Variants in DOCK7 observed in about 807,000 individuals in gnomAD.
DOCK7 encodes dedicator of cytokinesis 7.
A neutral mutation model predicts 271.0 loss-of-function variants in DOCK7; 138 were observed. The ratio of observed to expected loss-of-function variants is 0.51; its 90% CI spans 0.44 to 0.59. DOCK7 has a LOEUF of 0.59. Ranked by LOEUF, DOCK7 falls within the 20% of genes least tolerant of loss-of-function variation. DOCK7 has a pLI of 0.00. For missense variants in DOCK7, 2,066 were observed against 2,592.4 expected (o/e 0.80, Z 4.41); for synonymous variants, 823 against 876.1 (o/e 0.94, Z 1.07).
Position 62,601,204 on chromosome 1 carries a change from A to G in DOCK7, c.1683-14580T>C, listed in dbSNP as rs1235634545. Reference sequence around the variant, plus strand: ...GAAATGTAAAACATGATGGTAAGACACTTTGGTGGGTTTCCTTCTTGAAGC... The same window carrying G: ...GAAATGTAAAACATGATGGTAAGACGCTTTGGTGGGTTTCCTTCTTGAAGC... On this transcript the variant is annotated intron_variant, in intron 14 of 49. Coordinates refer to ENST00000635253, the MANE Select transcript of DOCK7 (RefSeq NM_001367561.1). 12 of 1,549,990 alleles carry G rather than the reference A, an allele frequency of 7.7e-6. 1 individual carries two copies. The Admixed American group carries it at 2.0e-4, about 26-fold the overall frequency.
chr1:62,487,337 G>T, intron 43 of DOCK7, 61 bp downstream of exon 43: 1 of 1,536,440 alleles, frequency 6.5e-7, no homozygotes, highest in Non-Finnish European at 9.0e-7. Context: ...CAAAGCATTG[G>T]CATAAGAAAT....
At chr1:62,586,915 A>G (rs1262061007) in intron 14 of DOCK7, among the ~76,000 whole-genome samples, 1 of 152,156 alleles carries the variant, frequency 6.6e-6, no homozygotes, top group Non-Finnish European at 1.5e-5. Context: ...AAGGTCAGTC[A>G]GACTTCAAAA....
chr1:62,641,564 T>C, intron 7 of DOCK7: 1 of 471,012 alleles, frequency 2.1e-6, no homozygotes, highest in Non-Finnish European at 4.3e-6. Context: ...GAAGGCCAGG[T>C]ACTTTAACTT....
chr1:62,474,812 CAAAA>C (rs1645924384), intron 47 of DOCK7, among the ~76,000 whole-genome samples: 1 of 151,862 alleles, frequency 6.6e-6, no homozygotes. Context: ...CTGCATATGA[CAAAA>C]GAACAATAAT....
chr1:62,597,602 T>G, intron 14 of DOCK7: 1 of 1,612,860 alleles, frequency 6.2e-7, no homozygotes. Flanking sequence ...TTATTGTTCC[T>G]CTAGTTATTT....
In DOCK7 at chr1:62,634,854, T is replaced by C. The variant is rs1571851223; in HGVS notation, c.954A>G (p.Pro318=). ...TTGCCAGGGTAGTAATGGCAGCAGG[T>C]GGTACATGTGGACGTAACAACCCTT... The part of the protein sequence containing the change: ...QMKGLLRPHV[P]PAAITTLARS... Residue 318 remains proline, a synonymous_variant, in exon 9 of 50, where the codon CCA becomes CCG. Coordinates refer to ENST00000635253, the MANE Select transcript of DOCK7 (RefSeq NM_001367561.1). 1.2e-6 allele frequency: 2 copies of C among 1,613,046 alleles called. No homozygotes were observed. The highest frequency in any genetic ancestry group is 1.7e-6 in the Non-Finnish European group (2 of 1,179,250).
chr1:62,625,140 G>C, intron 12 of DOCK7, 119 bp downstream of exon 12: 2 of 836,758 alleles, frequency 2.4e-6, no homozygotes, highest in Non-Finnish European at 3.5e-6. Flanking sequence ...TATTCTTAAA[G>C]TTTTTAAGTT....
intron 7 of DOCK7, chr1:62,641,519 C>T: frequency 2.2e-6 from 1 of 456,378 alleles, no homozygotes; most frequent in Non-Finnish European, 4.4e-6. Context: ...ATGGTAGGGT[C>T]CTCAGAAAGG....
At chr1:62,594,837 A>G (rs1648987314) in intron 14 of DOCK7, among the ~76,000 whole-genome samples, 1 of 152,194 alleles carries the variant, frequency 6.6e-6, no homozygotes, top group African/African-American at 2.4e-5. Flanking sequence ...TGGCCCATCT[A>G]TATTCTCCCT....
Position 62,537,948 on chromosome 1 carries a change from G to A in DOCK7, c.3414C>T (p.Cys1138=), listed in dbSNP as rs755214945. 1.2e-6 allele frequency: 2 copies of A among 1,614,042 alleles called. No homozygotes were observed. The highest frequency in any genetic ancestry group is 2.2e-5 in the South Asian group (2 of 91,062). Reference sequence around the variant, plus strand: ...GAGATGCAGGTGGAGTAAGTAAGCTGCAGGGTAAGTTTAATGTAACATAGT... The same window carrying A: ...GAGATGCAGGTGGAGTAAGTAAGCTACAGGGTAAGTTTAATGTAACATAGT... The part of the protein sequence containing the change: ...HEHYVTLNLP[C]SLLTPPASPS... The change falls in exon 28 of 50, where the codon TGC becomes TGT. Residue 1138 remains cysteine, a synonymous_variant. Transcript: ENST00000635253.
At chr1:62,573,776 A>T (rs1011879397) in intron 18 of DOCK7, among the ~76,000 whole-genome samples, 3 of 151,838 alleles carry the variant, frequency 2.0e-5, no homozygotes, top group Non-Finnish European at 4.4e-5. Context: ...TAATATTTTT[A>T]TTTATTTATT....
intron 48 of DOCK7, among the ~76,000 whole-genome samples, chr1:62,465,600 G>A (rs1387275908): frequency 6.6e-6 from 1 of 152,118 alleles, no homozygotes; most frequent in African/African-American, 2.4e-5. Context: ...TACCCAGGCT[G>A]CAGTGCAGTG....
chr1:62,539,697 T>C, intron 26 of DOCK7, 39 bp from the exon 27 acceptor site: 1 of 1,611,064 alleles, frequency 6.2e-7, no homozygotes, highest in Non-Finnish European at 8.5e-7. Flanking sequence ...AATTAAAGTA[T>C]GATAGCTTAA....
chr1:62,519,840 C>G (rs532370481), intron 31 of DOCK7, among the ~76,000 whole-genome samples: 1 of 152,238 alleles, frequency 6.6e-6, no homozygotes, highest in African/African-American at 2.4e-5. Context: ...ATCACACTAC[C>G]TGACTTCAAA....
In DOCK7 at chr1:62,537,959, T is replaced by A; in HGVS notation, c.3403A>T (p.Asn1135Tyr). 1 of 1,614,030 alleles carries A rather than the reference T, an allele frequency of 6.2e-7. No individual in the cohort carries two copies. Among genetic ancestry groups the A allele is most frequent in the Non-Finnish European group, 8.5e-7 (1 of 1,179,952 alleles). The change falls in exon 28 of 50, where the codon AAC becomes TAC. Residue 1135 changes from asparagine to tyrosine, a missense_variant. Physicochemically the swap from Asn to Tyr is moderately radical, Grantham distance 143. Around this residue, in one of 2 missense-constraint regions of DOCK7, gnomAD observed 1,414 missense variants for 1,670.4 expected, o/e 0.85. Coordinates refer to ENST00000635253, the MANE Select transcript of DOCK7 (RefSeq NM_001367561.1). ...GGAGTAAGTAAGCTGCAGGGTAAGT[T>A]TAATGTAACATAGTGCTCATGACTG... ...ICSHEHYVTL[N>Y]LPCSLLTPPA...
At chr1:62,637,671 G>T (rs924862900) in intron 7 of DOCK7, among the ~76,000 whole-genome samples, 36 of 152,078 alleles carry the variant, frequency 2.4e-4, no homozygotes, top group African/African-American at 8.5e-4. Flanking sequence ...TTTACATTAG[G>T]GTGAGACTTT....
At chr1:62,523,918 C>G (rs1207749609) in intron 31 of DOCK7, among the ~76,000 whole-genome samples, 1 of 151,940 alleles carries the variant, frequency 6.6e-6, no homozygotes, top group African/African-American at 2.4e-5. Flanking sequence ...GGCATTCTAA[C>G]CACCAAATTC....
chr1:62,651,682 A>T (rs933553818), intron 4 of DOCK7, among the ~76,000 whole-genome samples: 5 of 152,110 alleles, frequency 3.3e-5, no homozygotes, highest in Non-Finnish European at 5.9e-5. Flanking sequence ...TGGTTAAAAT[A>T]CCTTTCACAT....
At chr1:62,636,634 A>G in intron 7 of DOCK7, 31 bp from the exon 8 acceptor site, 2 of 1,521,042 alleles carry the variant, frequency 1.3e-6, no homozygotes, top group South Asian at 2.4e-5. Flanking sequence ...AAATAATTTA[A>G]AGATAAACAT....
Sources: allele counts gnomAD v4.1 joint callset (sites outside exome capture counted in the v4.1 genomes callset), GRCh38; gene constraint gnomAD v4.1.1; regional missense constraint gnomAD v4.1.1; transcripts MANE v1.5; gene names NCBI Gene and HGNC (gene_info 2026-07-23, HGNC 2026-07-21).